The following MSR1 variants were observed in gnomAD, a reference collection of about 807,000 sequenced individuals.
The protein encoded by MSR1 is macrophage scavenger receptor 1.
Under a neutral mutation model 47.2 loss-of-function variants are expected in MSR1, and 53 were observed. The ratio of observed to expected loss-of-function variants is 1.12; its 90% CI spans 0.90 to 1.41. The LOEUF is 1.41. MSR1 is among the 40% of genes most tolerant of loss of function. MSR1 has a pLI of 0.00. For synonymous variants in MSR1, 239 were observed against 185.6 expected (o/e 1.29, Z -2.34); for missense variants, 786 against 546.9 (o/e 1.44, Z -4.36).
chr8:16,179,348 C>T (rs1018958373), intron 1 of MSR1, among the ~76,000 whole-genome samples: 2 of 152,196 alleles, frequency 1.3e-5, no homozygotes, highest in African/African-American at 4.8e-5. Flanking sequence ...CCTCCATCCT[C>T]TTCCTCCACA....
At chr8:16,119,424 C>T (rs188900956) in intron 9 of MSR1, among the ~76,000 whole-genome samples, 1 of 152,082 alleles carries the variant, frequency 6.6e-6, no homozygotes, top group East Asian at 1.9e-4. Context: ...TGGGGTTTCA[C>T]CATGTTGGCC....
intron 5 of MSR1, among the ~76,000 whole-genome samples, chr8:16,157,940 T>C (rs1313416166): frequency 1.3e-5 from 2 of 152,002 alleles, no homozygotes; most frequent in Non-Finnish European, 2.9e-5. Flanking sequence ...TAACCTATTC[T>C]GTCATATTAT....
intron 9 of MSR1, among the ~76,000 whole-genome samples, chr8:16,111,655 T>A (rs540519727): frequency 6.6e-6 from 1 of 152,172 alleles, no homozygotes; most frequent in Admixed American, 6.5e-5. Context: ...AATTCACGAA[T>A]GTTAGAATAC....
chr8:16,159,726 A>T (rs1801110044), intron 5 of MSR1, among the ~76,000 whole-genome samples: 1 of 152,004 alleles, frequency 6.6e-6, no homozygotes, highest in African/African-American at 2.4e-5. Context: ...AATATGAGAT[A>T]CTTTTATACA....
At chr8:16,186,517 C>A (rs754778180) in intron 1 of MSR1, among the ~76,000 whole-genome samples, 1 of 152,120 alleles carries the variant, frequency 6.6e-6, no homozygotes, top group Non-Finnish European at 1.5e-5. Context: ...TCCACTACAT[C>A]CAATCTCTCA....
At chr8:16,147,613 T>G (rs1053953315) in intron 7 of MSR1, among the ~76,000 whole-genome samples, 1 of 152,150 alleles carries the variant, frequency 6.6e-6, no homozygotes, top group African/African-American at 2.4e-5. Flanking sequence ...TTTTACTTAT[T>G]TCATATTTGA....
At chr8:16,155,022 C>T (rs1053313860) in intron 6 of MSR1, 42 bp downstream of exon 6, 4 of 1,482,924 alleles carry the variant, frequency 2.7e-6, no homozygotes, top group African/African-American at 1.4e-5. Flanking sequence ...TGTATATCAT[C>T]TATCTTCACA....
At chr8:16,128,639 G>A (rs2117078987) in intron 8 of MSR1, among the ~76,000 whole-genome samples, 1 of 152,154 alleles carries the variant, frequency 6.6e-6, no homozygotes, top group African/African-American at 2.4e-5. Context: ...CTTATGTTAT[G>A]TTTTTACTTG....
intron 8 of MSR1, among the ~76,000 whole-genome samples, chr8:16,128,576 C>T (rs1447873521): frequency 6.6e-6 from 1 of 152,138 alleles, no homozygotes; most frequent in Admixed American, 6.6e-5. Context: ...GCTACTTTAT[C>T]TGTGGTATTC....
intron 5 of MSR1, among the ~76,000 whole-genome samples, chr8:16,162,505 C>T (rs73665243): frequency 0.039 from 5,899 of 151,954 alleles, 331 homozygotes; most frequent in African/African-American, 0.12. Context: ...TGTGGGTGAG[C>T]GATGACTATC....
chr8:16,135,204 TAGAG>T (rs933589982), intron 8 of MSR1, among the ~76,000 whole-genome samples: 1 of 152,144 alleles, frequency 6.6e-6, no homozygotes, highest in South Asian at 2.1e-4. Flanking sequence ...CTTTCATACT[TAGAG>T]AGGAGTTCAT....
At chr8:16,175,342 G>C (rs755018534) in intron 2 of MSR1, 42 bp from the exon 3 acceptor site, 2 of 1,457,786 alleles carry the variant, frequency 1.4e-6, no homozygotes, top group Non-Finnish European at 9.6e-7. Flanking sequence ...AGAAAGTGTT[G>C]TCTTCTTCCA....
chr8:16,111,739 T>C (rs749054982), intron 9 of MSR1, among the ~76,000 whole-genome samples: 1 of 151,938 alleles, frequency 6.6e-6, no homozygotes, highest in African/African-American at 2.4e-5. Flanking sequence ...GAAACACTTA[T>C]ACATGTGATG....
intron 8 of MSR1, 76 bp from the exon 9 acceptor site, chr8:16,120,682 CT>C (rs35356880): frequency 0.023 from 31,584 of 1,385,684 alleles, 1,234 homozygotes; most frequent in East Asian, 0.14. Flanking sequence ...CTTTACAGCA[CT>C]TTTTTTTTAA....
At chr8:16,160,018 C>G (rs1037534043) in intron 5 of MSR1, among the ~76,000 whole-genome samples, 12 of 151,922 alleles carry the variant, frequency 7.9e-5, no homozygotes, top group African/African-American at 1.9e-4. Flanking sequence ...ACAAAAAAGA[C>G]AAGCGAGGGA....
At chr8:16,124,741 C>T (rs984057071) in intron 8 of MSR1, among the ~76,000 whole-genome samples, 2 of 152,020 alleles carry the variant, frequency 1.3e-5, no homozygotes, top group South Asian at 2.1e-4. Flanking sequence ...GAAAGAAACC[C>T]GTTATAGTCA....
At chr8:16,115,787 G>C (rs1019034940) in intron 9 of MSR1, among the ~76,000 whole-genome samples, 2 of 151,978 alleles carry the variant, frequency 1.3e-5, no homozygotes, top group African/African-American at 4.8e-5. Flanking sequence ...AGATGAGCCT[G>C]AGCAACTTAG....
At chr8:16,124,610 C>T (rs567857575) in intron 8 of MSR1, among the ~76,000 whole-genome samples, 94 of 152,216 alleles carry the variant, frequency 6.2e-4, no homozygotes, top group Non-Finnish European at 9.9e-4. Flanking sequence ...TCCTTCTTCC[C>T]TTCCCACTTC....
At chr8:16,133,037 T>G (rs1054823268) in intron 8 of MSR1, among the ~76,000 whole-genome samples, 1 of 152,172 alleles carries the variant, frequency 6.6e-6, no homozygotes, top group African/African-American at 2.4e-5. Context: ...TCATGTAGTT[T>G]TTGTTGTTAG....
Sources: gnomAD v4.1 joint callset for allele counts (sites outside exome capture counted in the v4.1 genomes callset) on GRCh38, gnomAD v4.1.1 for gene constraint, MANE v1.5 for transcripts, NCBI Gene and HGNC (gene_info 2026-07-23, HGNC 2026-07-21) for gene names.